CFAP61: variants seen among roughly 807,000 people sequenced by gnomAD.
The protein encoded by CFAP61 is cilia- and flagella-associated protein 61.
In CFAP61, 107 loss-of-function variants were observed where a neutral mutation model predicts 135.6. That is an observed-to-expected ratio of 0.79 (90% CI 0.67 to 0.93). The LOEUF (loss-of-function observed/expected upper bound fraction) is 0.93. Ranked by LOEUF, CFAP61 falls within the 40% of genes least tolerant of loss-of-function variation. The pLI, the probability that CFAP61 is intolerant of heterozygous loss-of-function variation, is 0.00. For missense variants in CFAP61, 1,507 were observed against 1,556.2 expected (o/e 0.97, Z 0.53); for synonymous variants, 575 against 578.5 (o/e 0.99, Z 0.09).
At chr20:20,356,509 A>G (rs1158873070) in intron 26 of CFAP61, among the ~76,000 whole-genome samples, 2 of 129,320 alleles carry the variant, frequency 1.5e-5, no homozygotes, top group African/African-American at 6.0e-5. Context: ...AGATGGTCAC[A>G]CTGAGGGGAG....
chr20:20,256,057 A>G (rs1160058514), intron 20 of CFAP61, among the ~76,000 whole-genome samples: 1 of 152,140 alleles, frequency 6.6e-6, no homozygotes, highest in East Asian at 1.9e-4. Flanking sequence ...GGCCCCACTG[A>G]TCCCAGCCCT....
At chr20:20,116,076 G>A (rs974055129) in intron 8 of CFAP61, among the ~76,000 whole-genome samples, 2 of 151,872 alleles carry the variant, frequency 1.3e-5, no homozygotes, top group South Asian at 2.1e-4. Flanking sequence ...TATATGTTTG[G>A]GTTCCCCTTC....
intron 8 of CFAP61, among the ~76,000 whole-genome samples, chr20:20,127,671 G>A (rs747504240): frequency 6.6e-6 from 1 of 151,690 alleles, no homozygotes; most frequent in East Asian, 1.9e-4. Flanking sequence ...CTCTGTGAGA[G>A]TTTTTAGCTT....
intron 6 of CFAP61, among the ~76,000 whole-genome samples, chr20:20,090,171 C>T (rs750442426): frequency 3.3e-5 from 5 of 152,142 alleles, no homozygotes; most frequent in Admixed American, 1.3e-4. Context: ...ATCCCACACC[C>T]ACACATGCCA....
intron 18 of CFAP61, among the ~76,000 whole-genome samples, chr20:20,234,828 T>C (rs1010932557): frequency 2.0e-5 from 3 of 151,880 alleles, no homozygotes; most frequent in Non-Finnish European, 4.4e-5. Flanking sequence ...AGGAGAGTGA[T>C]TCCAAAACGC....
At chr20:20,157,386 A>G (rs1601038273) in intron 9 of CFAP61, among the ~76,000 whole-genome samples, 1 of 152,176 alleles carries the variant, frequency 6.6e-6, no homozygotes, top group Non-Finnish European at 1.5e-5. Context: ...TTATTATAAG[A>G]TTATTGTAAT....
At position 20,327,777 on chromosome 20, in the gene CFAP61, C is replaced by CAAAAAAAAAAAAAAAAAAAAA. The variant is rs60171844; in HGVS notation, c.3423-14046_3423-14026dup. Among the ~76,000 whole-genome samples, 26 of 60,350 alleles carry CAAAAAAAAAAAAAAAAAAAAA rather than the reference C, an allele frequency of 4.3e-4. 1 individual carries two copies. The highest frequency in any genetic ancestry group is 1.3e-3 in the African/African-American group (21 of 15,790). The allele number at this position is 60,350 out of a possible 152,430, so 39.6% of individuals were successfully genotyped here. On this transcript the variant is annotated intron_variant, in intron 25 of 26. Coordinates refer to ENST00000245957, the MANE Select transcript of CFAP61 (RefSeq NM_015585.4). ...CCTGGGCAACAGAGCAAGAGCCTGT[C>CAAAAAAAAAAAAAAAAAAAAA]AAAAAAAAAAAAAAAAAAAAAAAAA...
chr20:20,082,686 T>C (rs1386353664), intron 6 of CFAP61, among the ~76,000 whole-genome samples: 1 of 152,242 alleles, frequency 6.6e-6, no homozygotes, highest in Non-Finnish European at 1.5e-5. Context: ...TATTGCTTCT[T>C]TGTTGATAAC....
At chr20:20,110,999 T>G (rs951687360) in intron 8 of CFAP61, among the ~76,000 whole-genome samples, 6 of 152,164 alleles carry the variant, frequency 3.9e-5, no homozygotes, top group Admixed American at 2.6e-4. Context: ...ATGTGTAAGA[T>G]AGCAGGATTC....
In CFAP61 at chr20:20,122,739, T is replaced by G. The variant is rs186628745; in HGVS notation, c.860-20118T>G. Among the ~76,000 whole-genome samples the G allele has an allele frequency of 3.4e-3, 513 of 152,316 alleles. 2 individuals carry two copies. The highest frequency in any genetic ancestry group is 5.4e-3 in the Non-Finnish European group (366 of 68,012). Reference sequence around the variant, plus strand: ...TGCTATAAACATGTATGTCCAAGTGTCTTTTTTGTATAATGACTATTTTCC... The same window carrying G: ...TGCTATAAACATGTATGTCCAAGTGGCTTTTTTGTATAATGACTATTTTCC... On this transcript the variant is annotated intron_variant, in intron 8 of 26. Transcript: ENST00000245957.
chr20:20,165,395 C>G (rs1278001192), intron 11 of CFAP61, among the ~76,000 whole-genome samples: 1 of 152,190 alleles, frequency 6.6e-6, no homozygotes, highest in Non-Finnish European at 1.5e-5. Context: ...CATGGAATAT[C>G]TGAGCAGGGG....
At chr20:20,115,798 C>A (rs577826974) in intron 8 of CFAP61, among the ~76,000 whole-genome samples, 1 of 152,096 alleles carries the variant, frequency 6.6e-6, no homozygotes, top group Non-Finnish European at 1.5e-5. Flanking sequence ...GAACAATATT[C>A]GATTGTGTAT....
intron 14 of CFAP61, among the ~76,000 whole-genome samples, chr20:20,189,843 G>A (rs1466700371): frequency 6.6e-6 from 1 of 152,172 alleles, no homozygotes; most frequent in Non-Finnish European, 1.5e-5. Flanking sequence ...TGCCCAGGCT[G>A]GAGTGCGATG....
At position 20,298,234 on chromosome 20, in the gene CFAP61, T is replaced by C. The variant is rs1186177164; in HGVS notation, c.3270T>C (p.His1090=). The part of the protein sequence containing the change: ...SAKNGTYFRI[H]INKYKMVETI... Reference sequence around the variant, plus strand: ...AAAATGGGACTTACTTCCGAATTCATATTAACAAGTATAAAATGGTGGAAA... The same window carrying C: ...AAAATGGGACTTACTTCCGAATTCACATTAACAAGTATAAAATGGTGGAAA... Residue 1090 remains histidine (H), a synonymous_variant, in exon 25 of 27, where the codon CAT becomes CAC. Coordinates refer to ENST00000245957, the MANE Select transcript of CFAP61 (RefSeq NM_015585.4). 6.2e-7 allele frequency: 1 copy of C among 1,614,050 alleles called. No individual in the cohort carries two copies. Among genetic ancestry groups the C allele is most frequent in the African/African-American group, 1.3e-5 (1 of 74,926 alleles).
At position 20,084,401 on chromosome 20, in the gene CFAP61, CCTG is replaced by C. The variant is rs3060422; in HGVS notation, c.567-6406_567-6404del. Among the ~76,000 whole-genome samples, 85 of 150,740 alleles carry C rather than the reference CCTG, an allele frequency of 5.6e-4. 1 individual carries two copies. Among genetic ancestry groups the C allele is most frequent in the Non-Finnish European group, 6.1e-4 (41 of 67,650 alleles). On this transcript the variant is annotated intron_variant, in intron 6 of 26. Coordinates refer to ENST00000245957, the MANE Select transcript of CFAP61 (RefSeq NM_015585.4). ...GCCAGGATTCTGGATGCGGAGGTGG[CCTG>C]CTGCTGCTGCTGCTGCTGCTGCTGC...
chr20:20,263,114 C>G lies in CFAP61; in HGVS notation c.2487C>G (p.Asn829Lys). 1.2e-6 allele frequency: 2 copies of G among 1,613,142 alleles called. No homozygotes were observed. The highest frequency in any genetic ancestry group is 1.7e-6 in the Non-Finnish European group (2 of 1,179,388). ...CFKALIWIRN[N>K]SITTEGNIIV... ...AGGCACTGATTTGGATAAGGAATAA[C>G]TCCATCACCACAGAAGGTAAGGATG... The change falls in exon 21 of 27, where the codon AAC becomes AAG. Residue 829 changes from asparagine to lysine, a missense_variant. Transcript: ENST00000245957.
chr20:20,209,762 T>A (rs2047498755), intron 17 of CFAP61, among the ~76,000 whole-genome samples: 1 of 152,160 alleles, frequency 6.6e-6, no homozygotes, highest in Admixed American at 6.5e-5. Flanking sequence ...GACATCCAAG[T>A]TCTCAGGAGC....
intron 13 of CFAP61, among the ~76,000 whole-genome samples, chr20:20,184,821 A>G (rs928536294): frequency 1.3e-5 from 2 of 152,062 alleles, no homozygotes; most frequent in African/African-American, 4.8e-5. Context: ...CTTCTGATGA[A>G]GTAGGACCTT....
chr20:20,077,562 G>A (rs2046140007), intron 6 of CFAP61, among the ~76,000 whole-genome samples: 1 of 152,192 alleles, frequency 6.6e-6, no homozygotes, highest in Non-Finnish European at 1.5e-5. Context: ...ACAGCCCCAG[G>A]AGGTCCTGAG....
Sources: gnomAD v4.1 joint callset for allele counts (sites outside exome capture counted in the v4.1 genomes callset) on GRCh38, gnomAD v4.1.1 for gene constraint, MANE v1.5 for transcripts, NCBI Gene and HGNC (gene_info 2026-07-23, HGNC 2026-07-21) for gene names.